The following ROR2 variants were observed in gnomAD, a reference collection of about 807,000 sequenced individuals.
ROR2 encodes tyrosine-protein kinase transmembrane receptor ROR2.
A neutral mutation model predicts 74.9 loss-of-function variants in ROR2; 33 were observed. The ratio of observed to expected loss-of-function variants is 0.44; its 90% CI spans 0.33 to 0.59. ROR2 has a LOEUF of 0.59. Ranked by LOEUF, ROR2 falls within the 20% of genes least tolerant of loss-of-function variation. The probability of loss-of-function intolerance (pLI) is 0.02; values close to 1 mark genes in which losing one functional copy is unlikely to be tolerated. For missense variants in ROR2, 1,216 were observed against 1,313.8 expected, an observed-to-expected ratio of 0.93 and a Z score of 1.15; for synonymous variants, 586 against 558.7, an observed-to-expected ratio of 1.05 and a Z score of -0.69.
chr9:91,807,826 G>C (rs1379157123), intron 1 of ROR2, among the ~76,000 whole-genome samples: 1 of 152,096 alleles, frequency 6.6e-6, no homozygotes, highest in Non-Finnish European at 1.5e-5. Context: ...GCCTGTTGGG[G>C]AAGTCAGTGA....
rs71362359 is a variant in ROR2 at position 91,739,513 on chromosome 9, TAA to T, written c.495-1997_495-1996del. On this transcript the variant is annotated intron_variant, in intron 4 of 8. Transcript: ENST00000375708. ...AAGAGCAAGACCCTGTCTTTAAATT[TAA>T]AAAAAAAAAAAAAAAAAAAAAAGAA... is the stretch of plus-strand genomic sequence containing the variant. Among the ~76,000 whole-genome samples the T allele has an allele frequency of 8.0e-3, 841 of 105,596 alleles. 8 individuals carry two copies. The highest frequency in any genetic ancestry group is 0.021 in the African/African-American group (585 of 28,084). 69.3% of individuals were successfully genotyped at this position (105,596 alleles called of 152,430 possible).
At chr9:91,892,579 TCTTTTC>T in intron 1 of ROR2, among the ~76,000 whole-genome samples, 1 of 141,262 alleles carries the variant, frequency 7.1e-6, no homozygotes, top group Admixed American at 7.6e-5. Context: ...TTTTTCTTTT[TCTTTTC>T]TTTTCTTTTT....
chr9:91,769,182 T>C (rs1458914430), intron 2 of ROR2, among the ~76,000 whole-genome samples: 1 of 152,090 alleles, frequency 6.6e-6, no homozygotes, highest in African/African-American at 2.4e-5. Context: ...TCCCTCCCCA[T>C]GTCATCCTGG....
rs930772887 is a variant in ROR2, at chr9:91,825,272, T to C, written c.98-49454A>G. On this transcript the variant is annotated intron_variant, in intron 1 of 8. Transcript: ENST00000375708. ...GAGCCACACCCCACTTGGGAGCAGA[T>C]GCTCCCAGGTGCTAGGAGAGACTCT... 1.1e-4 allele frequency among the ~76,000 whole-genome samples: 16 copies of C among 152,272 alleles called. No homozygotes were observed. The East Asian group carries it at 3.1e-3, about 29-fold the overall frequency.
At chr9:91,737,542 G>T in intron 4 of ROR2, 24 bp from the exon 5 acceptor site, 1 of 1,614,086 alleles carries the variant, frequency 6.2e-7, no homozygotes, top group Non-Finnish European at 8.5e-7. Flanking sequence ...CACAAAGTCT[G>T]TTAGAGCTCT....
At chr9:91,767,079 G>GATTT (rs754818380) in intron 2 of ROR2, among the ~76,000 whole-genome samples, 4,542 of 142,682 alleles carry the variant, frequency 0.032, 117 homozygotes, top group East Asian at 0.13. Context: ...AATGACTTAC[G>GATTT]GTTTTTTTTT....
intron 2 of ROR2, among the ~76,000 whole-genome samples, chr9:91,774,018 T>C (rs1460269937): frequency 6.6e-6 from 1 of 152,248 alleles, no homozygotes; most frequent in Non-Finnish European, 1.5e-5. Context: ...TCCTAGGATC[T>C]TGCGCAGAGC....
intron 1 of ROR2, among the ~76,000 whole-genome samples, chr9:91,914,498 G>A (rs2119442305): frequency 6.6e-6 from 1 of 152,276 alleles, no homozygotes; most frequent in Non-Finnish European, 1.5e-5. Context: ...CCGAGGTCCA[G>A]GTTCTCTTTC....
At chr9:91,737,971 A>G (rs552001162) in intron 4 of ROR2, among the ~76,000 whole-genome samples, 2 of 152,300 alleles carry the variant, frequency 1.3e-5, no homozygotes, top group South Asian at 2.1e-4. Context: ...GGTTATAGAG[A>G]AATGTCAGTG....
At chr9:91,941,555 T>C (rs1174823409) in intron 1 of ROR2, among the ~76,000 whole-genome samples, 1 of 152,218 alleles carries the variant, frequency 6.6e-6, no homozygotes, top group East Asian at 1.9e-4. Context: ...AAGACAAGTC[T>C]GACAACACGT....
chr9:91,779,647 A>C (rs1826545962), intron 1 of ROR2, among the ~76,000 whole-genome samples: 1 of 152,150 alleles, frequency 6.6e-6, no homozygotes. Flanking sequence ...CTAGGATTAC[A>C]GGCATGAGCC....
At chr9:91,758,756 G>C (rs1825831243) in intron 2 of ROR2, among the ~76,000 whole-genome samples, 1 of 152,234 alleles carries the variant, frequency 6.6e-6, no homozygotes, top group African/African-American at 2.4e-5. Context: ...GGAAGTGAAA[G>C]GGACAAAGGA....
At chr9:91,769,090 G>A (rs979232542) in intron 2 of ROR2, among the ~76,000 whole-genome samples, 1 of 152,174 alleles carries the variant, frequency 6.6e-6, no homozygotes, top group Non-Finnish European at 1.5e-5. Flanking sequence ...ACTGGCAGGG[G>A]CTGAACTGGC....
chr9:91,799,842 G>A (rs1827313915), intron 1 of ROR2, among the ~76,000 whole-genome samples: 1 of 152,184 alleles, frequency 6.6e-6, no homozygotes, highest in Admixed American at 6.5e-5. Context: ...CCCTCAGCAG[G>A]GGCCATGGCT....
intron 1 of ROR2, among the ~76,000 whole-genome samples, chr9:91,862,351 G>C (rs1829495467): frequency 6.6e-6 from 1 of 151,706 alleles, no homozygotes; most frequent in African/African-American, 2.4e-5. Context: ...GGAGGAGGAG[G>C]AGGAGCAGGA....
intron 1 of ROR2, among the ~76,000 whole-genome samples, chr9:91,902,152 G>A (rs1830692131): frequency 6.6e-6 from 1 of 152,202 alleles, no homozygotes; most frequent in Non-Finnish European, 1.5e-5. Flanking sequence ...ATTCATCTAA[G>A]TAGTCAACAA....
rs1830188359 is a variant in ROR2 at position 91,883,756 on chromosome 9, T to C, written c.97+66111A>G. Among the ~76,000 whole-genome samples the C allele has an allele frequency of 2.0e-5, 3 of 152,192 alleles. No homozygotes were observed. In the South Asian group the frequency reaches 6.2e-4, roughly 31 times the overall value. On this transcript the variant is annotated intron_variant, in intron 1 of 8. Coordinates refer to ENST00000375708, the MANE Select transcript of ROR2 (RefSeq NM_004560.4). ...ACCCCACCCACTGTACTACTGCCCA[T>C]CACACCTCTGAAGTGTCCTTGCAGG...
At chr9:91,753,212 T>C (rs905461338) in intron 4 of ROR2, among the ~76,000 whole-genome samples, 1 of 152,206 alleles carries the variant, frequency 6.6e-6, no homozygotes, top group African/African-American at 2.4e-5. Context: ...TTTTAATTTC[T>C]ATATGATCAA....
At chr9:91,925,661 C>T (rs949012190) in intron 1 of ROR2, among the ~76,000 whole-genome samples, 1 of 152,176 alleles carries the variant, frequency 6.6e-6, no homozygotes, top group Non-Finnish European at 1.5e-5. Flanking sequence ...GGCAGAAAAC[C>T]AACAGATGGA....
Sources: allele counts gnomAD v4.1 joint callset (sites outside exome capture counted in the v4.1 genomes callset), GRCh38; gene constraint gnomAD v4.1.1; transcripts MANE v1.5; gene names NCBI Gene and HGNC (gene_info 2026-07-23, HGNC 2026-07-21).